Variants in DDR2 observed in about 807,000 individuals in gnomAD.
DDR2 encodes discoidin domain receptor tyrosine kinase 2.
A neutral mutation model predicts 94.9 loss-of-function variants in DDR2; 27 were observed. The observed-to-expected ratio is 0.28, with a 90% CI of 0.21 to 0.39. DDR2 has a LOEUF of 0.39. Among genes scored for constraint, DDR2 ranks in the 10% least tolerant of loss-of-function variants. The pLI is 1.00. For synonymous variants in DDR2, 382 were observed against 377.2 expected, an observed-to-expected ratio of 1.01 and a Z score of -0.15; for missense variants, 783 against 1,076.0, an observed-to-expected ratio of 0.73 and a Z score of 3.81.
rs372190740 is a variant in DDR2, at chr1:162,761,198, C to T, written c.856-13C>T. 3.7e-6 allele frequency: 6 copies of T among 1,613,886 alleles called. No homozygotes were observed. In the South Asian group the frequency reaches 5.5e-5, roughly 15 times the overall value. On this transcript the variant is annotated splice_polypyrimidine_tract_variant and intron_variant, in intron 8 of 17. Transcript: ENST00000367921. ...GGGCCAACCTATCACTCACATGCCT[C>T]TTTCTCTACCAGGTCCACTGCAACA...
intron 1 of DDR2, among the ~76,000 whole-genome samples, chr1:162,644,055 AGT>A (rs892294478): frequency 6.6e-6 from 1 of 152,148 alleles, no homozygotes; most frequent in Non-Finnish European, 1.5e-5. Context: ...CTTTTTCCCA[AGT>A]GTTTAGGACT....
At chr1:162,711,798 AT>A (rs58276118) in intron 2 of DDR2, among the ~76,000 whole-genome samples, 5,888 of 152,244 alleles carry the variant, frequency 0.039, 183 homozygotes, top group East Asian at 0.15. Context: ...ACATACATAT[AT>A]ACACACACAT....
chr1:162,716,252 G>T (rs1217391460), intron 2 of DDR2, among the ~76,000 whole-genome samples: 1 of 152,164 alleles, frequency 6.6e-6, no homozygotes, highest in Non-Finnish European at 1.5e-5. Flanking sequence ...TGAGAGAGGT[G>T]CCACAGGAGA....
At chr1:162,766,351 C>T (rs180810108) in intron 10 of DDR2, among the ~76,000 whole-genome samples, 2 of 152,268 alleles carry the variant, frequency 1.3e-5, no homozygotes, top group Non-Finnish European at 2.9e-5. Context: ...AAGGGACATT[C>T]CTGGGTCAGA....
chr1:162,718,180 C>A (rs1661253523), intron 2 of DDR2, among the ~76,000 whole-genome samples: 1 of 152,144 alleles, frequency 6.6e-6, no homozygotes, highest in Admixed American at 6.6e-5. Flanking sequence ...CTTTGTCATA[C>A]CCCATCATCT....
chr1:162,740,533 G>T (rs898770242), intron 3 of DDR2, among the ~76,000 whole-genome samples: 1 of 152,064 alleles, frequency 6.6e-6, no homozygotes, highest in Non-Finnish European at 1.5e-5. Flanking sequence ...CTTCACTCAG[G>T]TCTCTGCTCC....
At chr1:162,752,802 A>G (rs1179559874) in intron 3 of DDR2, among the ~76,000 whole-genome samples, 1 of 152,212 alleles carries the variant, frequency 6.6e-6, no homozygotes, top group Non-Finnish European at 1.5e-5. Context: ...GTTATTACCA[A>G]GTACAAAGCA....
At position 162,640,198 on chromosome 1, in the gene DDR2, C is replaced by T. The variant is rs147729025; in HGVS notation, c.-192+7567C>T. Among the ~76,000 whole-genome samples the T allele has an allele frequency of 4.7e-3, 714 of 152,072 alleles. 2 individuals are homozygous for T. The highest frequency in any genetic ancestry group is 0.016 in the African/African-American group (652 of 41,454). The stretch of plus-strand genomic sequence containing the variant: ...CTGGGATTACAGGCGTGTGCTATCA[C>T]GCCCAACTAATTTTTGTATTTTTAG... On this transcript the variant is annotated intron_variant, in intron 1 of 17. Coordinates refer to ENST00000367921, the MANE Select transcript of DDR2 (RefSeq NM_006182.4).
intron 2 of DDR2, among the ~76,000 whole-genome samples, chr1:162,660,620 T>A (rs1046188252): frequency 6.6e-6 from 1 of 152,180 alleles, no homozygotes; most frequent in Non-Finnish European, 1.5e-5. Context: ...TAGGTAATGA[T>A]CAAACAACCA....
intron 2 of DDR2, among the ~76,000 whole-genome samples, chr1:162,673,066 T>C (rs145885551): frequency 8.4e-4 from 128 of 152,380 alleles, no homozygotes; most frequent in Middle Eastern, 6.8e-3. Context: ...GGGCTCTAAT[T>C]GCCCATTTTA....
At chr1:162,777,341 CTATTTT>C (rs1335162636) in intron 16 of DDR2, among the ~76,000 whole-genome samples, 2 of 152,124 alleles carry the variant, frequency 1.3e-5, no homozygotes, top group African/African-American at 4.8e-5. Flanking sequence ...TTCTCTATCT[CTATTTT>C]TAACTTAACA....
chr1:162,770,415 G>A lies in DDR2; in HGVS notation c.1407G>A (p.Ser469=), dbSNP rs770695121. The A allele has an allele frequency of 8.1e-6, 13 of 1,613,872 alleles. No homozygotes were observed. The highest frequency in any genetic ancestry group is 5.5e-5 in the South Asian group (5 of 91,056). ...CACCTAGTGAACAAGGGTCCAACTC[G>A]ACTTACGATCGCATCTTTCCCCTTC... is the stretch of plus-strand genomic sequence containing the variant. The part of the protein sequence containing the change: ...SSSPSEQGSN[S]TYDRIFPLRP... The change falls in exon 12 of 18, where the codon TCG becomes TCA. Residue 469 remains serine, a synonymous_variant. Transcript: ENST00000367921.
intron 3 of DDR2, among the ~76,000 whole-genome samples, chr1:162,727,546 A>C (rs917517731): frequency 2.7e-5 from 4 of 148,198 alleles, no homozygotes; most frequent in African/African-American, 9.8e-5. Context: ...AAAAATAAAA[A>C]TAAAAATAAA....
At chr1:162,765,830 T>G (rs1212518043) in intron 9 of DDR2, among the ~76,000 whole-genome samples, 171 bp from the exon 10 acceptor site, 1 of 150,848 alleles carries the variant, frequency 6.6e-6, no homozygotes, top group Admixed American at 6.7e-5. Context: ...CTTTTACTAT[T>G]TAGATAAATG....
At chr1:162,763,185 A>ATT (rs768429513) in intron 9 of DDR2, among the ~76,000 whole-genome samples, 8 of 135,578 alleles carry the variant, frequency 5.9e-5, no homozygotes, top group African/African-American at 1.6e-4. Flanking sequence ...TAGAGTTTGC[A>ATT]TTTTTTTTTT....
rs1233079220 is a variant in DDR2, at chr1:162,655,257, G to A, written c.-145G>A. 1 of 152,220 alleles carries A rather than the reference G, an allele frequency of 6.6e-6. No homozygotes were observed. The highest frequency in any genetic ancestry group is 1.9e-4 in the East Asian group (1 of 5,190). The allele number at this position is 152,220 out of a possible 1,614,324, so 9.4% of individuals were successfully genotyped here. ...AAGTTGCCTGGGGTTCAGTGCTCTA[G>A]AAAGTTCCAAGGTTTGTGGCTTGAA... On this transcript the variant is annotated 5_prime_UTR_variant, in exon 2 of 18. It removes the in-frame stop codon of an upstream open reading frame in the 5' UTR. Transcript: ENST00000367921.
chr1:162,718,121 A>G (rs1455086475), intron 2 of DDR2, among the ~76,000 whole-genome samples: 1 of 152,180 alleles, frequency 6.6e-6, no homozygotes, highest in Non-Finnish European at 1.5e-5. Context: ...TTATAATTCA[A>G]TACTGCTGTT....
rs529604652 is a variant in DDR2, at chr1:162,650,297, A to T, written c.-191-4914A>T. On this transcript the variant is annotated intron_variant, in intron 1 of 17. Coordinates refer to ENST00000367921, the MANE Select transcript of DDR2 (RefSeq NM_006182.4). ...CAATTCCTCCTCCACGTTAAAAAAA[A>T]AATAATAATAATAACAGGCCAGGTG... Among the ~76,000 whole-genome samples, 693 of 151,884 alleles carry T rather than the reference A, an allele frequency of 4.6e-3. 1 individual carries two copies. The highest frequency in any genetic ancestry group is 7.5e-3 in the Non-Finnish European group (508 of 67,934).
chr1:162,691,126 G>T (rs960320346), intron 2 of DDR2, among the ~76,000 whole-genome samples: 1 of 152,170 alleles, frequency 6.6e-6, no homozygotes, highest in African/African-American at 2.4e-5. Flanking sequence ...GACACAGCGG[G>T]CCCACAGGCT....
Sources: allele counts gnomAD v4.1 joint callset (sites outside exome capture counted in the v4.1 genomes callset), GRCh38; gene constraint gnomAD v4.1.1; transcripts MANE v1.5; gene names NCBI Gene and HGNC (gene_info 2026-07-23, HGNC 2026-07-21).